The following DPP10 variants were observed in gnomAD, a reference collection of about 807,000 sequenced individuals.
DPP10 encodes the protein inactive dipeptidyl peptidase 10.
In DPP10, 33 loss-of-function variants were observed where a neutral mutation model predicts 120.9. The observed-to-expected ratio is 0.27, with a 90% CI of 0.21 to 0.37. The LOEUF (loss-of-function observed/expected upper bound fraction) is 0.37. Among genes scored for constraint, DPP10 ranks in the 10% least tolerant of loss-of-function variants. The probability of loss-of-function intolerance (pLI) is 1.00; values close to 1 mark genes in which losing one functional copy is unlikely to be tolerated. For missense variants in DPP10, 816 were observed against 942.8 expected, an observed-to-expected ratio of 0.87 and a Z score of 1.76; for synonymous variants, 337 against 326.1, an observed-to-expected ratio of 1.03 and a Z score of -0.36.
chr2:115,401,481 G>T (rs1559546905), intron 3 of DPP10, among the ~76,000 whole-genome samples: 1 of 152,068 alleles, frequency 6.6e-6, no homozygotes, highest in Non-Finnish European at 1.5e-5. Flanking sequence ...TACTTGGGAG[G>T]TTGAAGTGGG....
intron 1 of DPP10, among the ~76,000 whole-genome samples, chr2:114,816,001 G>A (rs575372017): frequency 1.3e-5 from 2 of 151,928 alleles, no homozygotes; most frequent in East Asian, 3.9e-4. Flanking sequence ...AAATGTGTTT[G>A]GCATCCCAAC....
At chr2:115,139,724 T>TAAAAAAAAAAAAAAAAAAAAAA (rs55826687) in intron 1 of DPP10, among the ~76,000 whole-genome samples, 2 of 56,622 alleles carry the variant, frequency 3.5e-5, no homozygotes, top group African/African-American at 7.2e-5. Flanking sequence ...GTAAAAATAC[T>TAAAAAAAAAAAAAAAAAAAAAA]AAAAAAAAAA....
intron 19 of DPP10, among the ~76,000 whole-genome samples, chr2:115,794,720 C>T (rs1239647524): frequency 6.6e-6 from 1 of 152,054 alleles, no homozygotes; most frequent in Non-Finnish European, 1.5e-5. Flanking sequence ...TGTTTTACTC[C>T]TGCCTTTCTG....
Position 114,686,747 on chromosome 2 carries a change from G to A in DPP10, c.60+243909G>A, listed in dbSNP as rs1010895776. ...TAGAAGACCTGAGCCAGGAAAAAACGCAATAATTGTAGTCAAGAGCTTCTT... is the reference window on the plus strand; with the variant it reads ...TAGAAGACCTGAGCCAGGAAAAAACACAATAATTGTAGTCAAGAGCTTCTT... On this transcript the variant is annotated intron_variant, in intron 1 of 25. Coordinates refer to ENST00000410059, the MANE Select transcript of DPP10 (RefSeq NM_020868.6). Among the ~76,000 whole-genome samples, 12 of 151,962 alleles carry A rather than the reference G, an allele frequency of 7.9e-5. No homozygotes were observed. In the East Asian group the frequency reaches 1.2e-3, roughly 15 times the overall value.
intron 3 of DPP10, among the ~76,000 whole-genome samples, chr2:115,348,970 T>C (rs1428581697): frequency 1.3e-5 from 2 of 152,112 alleles, no homozygotes; most frequent in African/African-American, 4.8e-5. Flanking sequence ...CTGGCTGTAG[T>C]AAGATAACAA....
intron 3 of DPP10, among the ~76,000 whole-genome samples, chr2:115,382,959 A>G (rs1273388122): frequency 1.3e-5 from 2 of 152,220 alleles, no homozygotes; most frequent in East Asian, 3.9e-4. Context: ...TTGAAGCAGC[A>G]TTTAGTAATT....
intron 3 of DPP10, among the ~76,000 whole-genome samples, chr2:115,458,657 T>C (rs183966740): frequency 8.5e-5 from 13 of 152,238 alleles, no homozygotes; most frequent in African/African-American, 2.9e-4. Flanking sequence ...CACACATATA[T>C]ACGTATTGAG....
At chr2:115,167,393 A>T (rs2052961898) in intron 1 of DPP10, among the ~76,000 whole-genome samples, 1 of 150,808 alleles carries the variant, frequency 6.6e-6, no homozygotes, top group Admixed American at 6.6e-5. Flanking sequence ...CTTTGTCTCT[A>T]AAACAAACAA....
At chr2:115,334,865 C>G (rs1460167522) in intron 2 of DPP10, among the ~76,000 whole-genome samples, 1 of 148,508 alleles carries the variant, frequency 6.7e-6, no homozygotes, top group Non-Finnish European at 1.5e-5. Context: ...ATGTAAAACA[C>G]AAAACAAAAC....
chr2:114,592,268 G>A (rs539585906), intron 1 of DPP10, among the ~76,000 whole-genome samples: 1 of 152,072 alleles, frequency 6.6e-6, no homozygotes, highest in Admixed American at 6.6e-5. Flanking sequence ...GATTTGAGGC[G>A]ATTATTTCAC....
chr2:115,510,568 A>C (rs1343128967), intron 4 of DPP10, among the ~76,000 whole-genome samples: 1 of 152,130 alleles, frequency 6.6e-6, no homozygotes, highest in Non-Finnish European at 1.5e-5. Flanking sequence ...TGAGACTTGT[A>C]ATCAAGATGT....
intron 3 of DPP10, among the ~76,000 whole-genome samples, chr2:115,407,340 C>A (rs984309163): frequency 6.6e-6 from 1 of 152,138 alleles, no homozygotes; most frequent in African/African-American, 2.4e-5. Context: ...CATTCCCCCT[C>A]GAAAGGAGCA....
At chr2:115,327,854 G>A (rs2062458032) in intron 2 of DPP10, among the ~76,000 whole-genome samples, 1 of 151,916 alleles carries the variant, frequency 6.6e-6, no homozygotes, top group Non-Finnish European at 1.5e-5. Flanking sequence ...GAGGCTATAT[G>A]GCCATAAAGA....
intron 5 of DPP10, among the ~76,000 whole-genome samples, chr2:115,679,745 A>C (rs983578135): frequency 6.6e-5 from 10 of 152,250 alleles, no homozygotes; most frequent in Non-Finnish European, 1.5e-5. Flanking sequence ...AATTAGGCAC[A>C]AAAAGATAAA....
chr2:114,455,131 G>A (rs1363233621), intron 1 of DPP10, among the ~76,000 whole-genome samples: 1 of 147,980 alleles, frequency 6.8e-6, no homozygotes, highest in African/African-American at 2.5e-5. Context: ...TACTTTGTTG[G>A]TTTTTTCAAG....
chr2:115,363,613 G>A (rs2064913447), intron 3 of DPP10, among the ~76,000 whole-genome samples: 1 of 152,244 alleles, frequency 6.6e-6, no homozygotes, highest in African/African-American at 2.4e-5. Flanking sequence ...CTATAGGACT[G>A]AGAGGATAAT....
At chr2:114,773,060 C>T (rs954128279) in intron 1 of DPP10, among the ~76,000 whole-genome samples, 2 of 152,268 alleles carry the variant, frequency 1.3e-5, no homozygotes, top group South Asian at 2.1e-4. Context: ...ACAAAACCTA[C>T]TTCATAAGGT....
chr2:114,453,590 T>C (rs1678404796), intron 1 of DPP10, among the ~76,000 whole-genome samples: 1 of 152,138 alleles, frequency 6.6e-6, no homozygotes, highest in South Asian at 2.1e-4. Context: ...AAACCTTCAT[T>C]GTAACACCTG....
chr2:114,588,765 A>T (rs927551627), intron 1 of DPP10, among the ~76,000 whole-genome samples: 3 of 152,156 alleles, frequency 2.0e-5, no homozygotes, highest in Non-Finnish European at 2.9e-5. Context: ...TTAGAAAAAC[A>T]GTTGGTGCAG....
Sources: gnomAD v4.1 joint callset for allele counts (sites outside exome capture counted in the v4.1 genomes callset) on GRCh38, gnomAD v4.1.1 for gene constraint, MANE v1.5 for transcripts, NCBI Gene and HGNC (gene_info 2026-07-23, HGNC 2026-07-21) for gene names.